The following WIF1 variants were observed in gnomAD, a reference collection of about 807,000 sequenced individuals.
WIF1 encodes Wnt inhibitory factor 1.
Under a neutral mutation model 53.5 loss-of-function variants are expected in WIF1, and 35 were observed. The observed-to-expected ratio is 0.65, with a 90% CI of 0.50 to 0.87. WIF1 has a LOEUF of 0.87. Among genes scored for constraint, WIF1 ranks in the 40% least tolerant of loss-of-function variants. WIF1 has a pLI of 0.00. For missense variants in WIF1, 467 were observed against 476.8 expected, an observed-to-expected ratio of 0.98 and a Z score of 0.19; for synonymous variants, 171 against 170.4, an observed-to-expected ratio of 1.00 and a Z score of -0.03.
intron 2 of WIF1, among the ~76,000 whole-genome samples, chr12:65,088,879 G>C (rs995942673): frequency 9.2e-5 from 14 of 151,810 alleles, no homozygotes; most frequent in Admixed American, 8.5e-4. Context: ...ATATTTTTCT[G>C]GGGGGGAGCA....
chr12:65,071,487 A>G (rs984722636), intron 3 of WIF1, among the ~76,000 whole-genome samples: 1 of 152,188 alleles, frequency 6.6e-6, no homozygotes, highest in Non-Finnish European at 1.5e-5. Context: ...GTAAACCAAA[A>G]GAAATGATAT....
At chr12:65,113,630 G>GA (rs1323157574) in intron 2 of WIF1, among the ~76,000 whole-genome samples, 1 of 151,850 alleles carries the variant, frequency 6.6e-6, no homozygotes, top group Admixed American at 6.6e-5. Flanking sequence ...AAAAGTTTGA[G>GA]AAACTTACTG....
intron 7 of WIF1, among the ~76,000 whole-genome samples, chr12:65,058,499 G>A (rs547965003): frequency 6.6e-6 from 1 of 152,134 alleles, no homozygotes; most frequent in Admixed American, 6.6e-5. Context: ...CCGCAGTCAG[G>A]AAGGAGGACG....
At chr12:65,074,170 T>TTTA (rs1882823304) in intron 3 of WIF1, among the ~76,000 whole-genome samples, 1 of 151,740 alleles carries the variant, frequency 6.6e-6, no homozygotes, top group African/African-American at 2.4e-5. Context: ...GTAAGATTTT[T>TTTA]ATTTTTTATT....
Position 65,059,017 on chromosome 12 carries a change from A to C in WIF1, c.827-2891T>G, listed in dbSNP as rs1592387192. ...CAGAGAGCCAAGATGGCGCCACTGC[A>C]CTCCAGCCTAGGTGACAGAGCTAGA... On this transcript the variant is annotated intron_variant, in intron 7 of 9. Coordinates refer to ENST00000286574, the MANE Select transcript of WIF1 (RefSeq NM_007191.5). Among the ~76,000 whole-genome samples, 5 of 151,932 alleles carry C rather than the reference A, an allele frequency of 3.3e-5. No homozygotes were observed. The South Asian group carries it at 1.0e-3, about 32-fold the overall frequency.
In WIF1 at chr12:65,051,425, T is replaced by C; in HGVS notation, c.1064A>G (p.Gln355Arg). ...AAGTGAAGGCGTGTGCTGCCTGAGC[T>C]GGGCGCCTGCTGGCCTCAGGGCATG... Reference protein sequence around the residue: ...LIHALRPAGAQLRQHTPSLKK... With the variant: ...LIHALRPAGARLRQHTPSLKK... Residue 355 changes from glutamine (Q) to arginine (R), a missense_variant, in exon 10 of 10, where the codon CAG becomes CGG. Physicochemically the swap from Gln to Arg is conservative, Grantham distance 43. Transcript: ENST00000286574. The C allele has an allele frequency of 6.2e-7, 1 of 1,613,672 alleles. No homozygotes were observed. Among genetic ancestry groups the C allele is most frequent in the Non-Finnish European group, 8.5e-7 (1 of 1,179,832 alleles).
chr12:65,114,095 A>G (rs971346315), intron 2 of WIF1, among the ~76,000 whole-genome samples: 3 of 152,220 alleles, frequency 2.0e-5, no homozygotes, highest in African/African-American at 7.2e-5. Context: ...GCAGGGTTGG[A>G]AAGAAGTGTT....
At chr12:65,080,196 C>A (rs569449961) in intron 2 of WIF1, among the ~76,000 whole-genome samples, 2 of 152,258 alleles carry the variant, frequency 1.3e-5, no homozygotes, top group South Asian at 2.1e-4. Flanking sequence ...CTTCATGGAC[C>A]AAATTCCCAC....
rs1882690645 is a variant in WIF1, at chr12:65,066,623, T to C, written c.730+18A>G. On this transcript the variant is annotated intron_variant, in intron 6 of 9. Transcript: ENST00000286574. ...TTTAAAAGTAAAAATAACTTTCTTC[T>C]TAAAAAGAAACTGTTACCTTTGTCA... 4 of 1,587,040 alleles carry C rather than the reference T, an allele frequency of 2.5e-6. No homozygotes were observed. Among genetic ancestry groups the C allele is most frequent in the Admixed American group, 3.7e-5 (2 of 54,150 alleles).
At chr12:65,062,339 C>CA in intron 7 of WIF1, 142 bp downstream of exon 7, 2 of 692,036 alleles carry the variant, frequency 2.9e-6, no homozygotes, top group Non-Finnish European at 2.3e-6. Context: ...CTGAATCTAG[C>CA]AAAAAGAAAC....
chr12:65,063,123 A>G (rs1882638445), intron 6 of WIF1, among the ~76,000 whole-genome samples: 1 of 152,218 alleles, frequency 6.6e-6, no homozygotes. Context: ...CTGTATTCAG[A>G]AAAAGACTGT....
intron 2 of WIF1, among the ~76,000 whole-genome samples, chr12:65,079,708 G>A (rs2136622924): frequency 6.6e-6 from 1 of 151,540 alleles, no homozygotes; most frequent in Middle Eastern, 3.4e-3. Flanking sequence ...TCAATAAATA[G>A]CACCAATGCT....
chr12:65,101,737 G>A (rs1006988935), intron 2 of WIF1, among the ~76,000 whole-genome samples: 1 of 152,226 alleles, frequency 6.6e-6, no homozygotes, highest in African/African-American at 2.4e-5. Flanking sequence ...ATTTGCCAAT[G>A]AGGACAAAAG....
At chr12:65,052,351 T>C (rs934563319) in intron 9 of WIF1, among the ~76,000 whole-genome samples, 11 of 152,320 alleles carry the variant, frequency 7.2e-5, no homozygotes, top group Admixed American at 5.9e-4. Context: ...TCTAGTAGCT[T>C]GTGGAGTGGT....
At chr12:65,115,576 G>A (rs1401937140) in intron 2 of WIF1, among the ~76,000 whole-genome samples, 1 of 152,196 alleles carries the variant, frequency 6.6e-6, no homozygotes, top group Non-Finnish European at 1.5e-5. Flanking sequence ...AAATAATAAA[G>A]CATGCCTCAT....
chr12:65,068,861 C>T lies in WIF1; in HGVS notation c.441G>A (p.Val147=), dbSNP rs1332688942. 1 of 1,613,644 alleles carries T rather than the reference C, an allele frequency of 6.2e-7. No individual in the cohort carries two copies. Among genetic ancestry groups the T allele is most frequent in the Non-Finnish European group, 8.5e-7 (1 of 1,179,706 alleles). Residue 147 remains valine, a synonymous_variant, in exon 4 of 10, where the codon GTG becomes GTA. Transcript: ENST00000286574. The part of the protein sequence containing the change: ...GFPCLGKQDG[V]AAFEVDVIVM... ...CAATCACATCCACTTCAAATGCTGC[C>T]ACCCCATCCTGTTTTCCAAGACATG... is the stretch of plus-strand genomic sequence containing the variant.
chr12:65,102,392 A>G (rs537253613), intron 2 of WIF1, among the ~76,000 whole-genome samples: 2 of 152,176 alleles, frequency 1.3e-5, no homozygotes, highest in Non-Finnish European at 2.9e-5. Flanking sequence ...CCAGTGTTTC[A>G]GCTCGAAGGC....
intron 2 of WIF1, among the ~76,000 whole-genome samples, chr12:65,090,073 G>A (rs1420491670): frequency 1.3e-5 from 2 of 152,124 alleles, no homozygotes; most frequent in Non-Finnish European, 2.9e-5. Flanking sequence ...CAATGAAACA[G>A]AAGTTCAAGT....
chr12:65,090,142 G>A (rs1467950926), intron 2 of WIF1, among the ~76,000 whole-genome samples: 6 of 152,142 alleles, frequency 3.9e-5, no homozygotes, highest in Non-Finnish European at 8.8e-5. Flanking sequence ...AACAGTCAGC[G>A]GGAGATGGGA....
Sources: allele counts gnomAD v4.1 joint callset (sites outside exome capture counted in the v4.1 genomes callset), GRCh38; gene constraint gnomAD v4.1.1; transcripts MANE v1.5; gene names NCBI Gene and HGNC (gene_info 2026-07-23, HGNC 2026-07-21).